The following DGKB variants were observed in gnomAD, a reference collection of about 807,000 sequenced individuals.
The protein encoded by DGKB is diacylglycerol kinase beta.
A neutral mutation model predicts 114.3 loss-of-function variants in DGKB; 67 were observed. The ratio of observed to expected loss-of-function variants is 0.59; its 90% CI spans 0.48 to 0.72. The LOEUF is 0.72. DGKB is among the 30% of genes least tolerant of loss of function. The probability of loss-of-function intolerance (pLI) is 0.00; values close to 1 mark genes in which losing one functional copy is unlikely to be tolerated. For missense variants in DGKB, 907 were observed against 975.2 expected (o/e 0.93, Z 0.93); for synonymous variants, 398 against 323.1 (o/e 1.23, Z -2.49).
chr7:14,481,921 A>T (rs1354075676), intron 20 of DGKB, among the ~76,000 whole-genome samples: 1 of 151,998 alleles, frequency 6.6e-6, no homozygotes, highest in Non-Finnish European at 1.5e-5. Flanking sequence ...TGTATACTTC[A>T]AAAAGTTTTG....
intron 21 of DGKB, among the ~76,000 whole-genome samples, chr7:14,378,164 C>T (rs552972784): frequency 4.6e-5 from 7 of 152,270 alleles, no homozygotes; most frequent in African/African-American, 1.7e-4. Flanking sequence ...GAAAGCAGGA[C>T]ATATTGGAAG....
In DGKB at chr7:14,856,711, T is replaced by C. The variant is rs1850204452; in HGVS notation, c.-187-15261A>G. 3.3e-5 allele frequency among the ~76,000 whole-genome samples: 5 copies of C among 152,082 alleles called. No homozygotes were observed. The South Asian group carries it at 1.0e-3, about 32-fold the overall frequency. On this transcript the variant is annotated intron_variant, in intron 1 of 25. Coordinates refer to ENST00000402815, the MANE Select transcript of DGKB (RefSeq NM_001350709.2). ...TCATCTAGTATTCTATTAATGAAGA[T>C]TTAGGCTTTATTTTTAATTTTTCAT...
chr7:14,526,584 AAG>A (rs747843979), intron 20 of DGKB, among the ~76,000 whole-genome samples: 1 of 152,184 alleles, frequency 6.6e-6, no homozygotes, highest in African/African-American at 2.4e-5. Flanking sequence ...AAACACCTTT[AAG>A]AGTAAATATT....
chr7:14,627,699 T>C (rs1808848496), intron 14 of DGKB, among the ~76,000 whole-genome samples: 1 of 151,968 alleles, frequency 6.6e-6, no homozygotes, highest in Non-Finnish European at 1.5e-5. Context: ...ATCTCAGCAC[T>C]TTGGGAGGCT....
At chr7:14,751,692 G>A (rs1348465597) in intron 4 of DGKB, among the ~76,000 whole-genome samples, 2 of 152,160 alleles carry the variant, frequency 1.3e-5, no homozygotes, top group African/African-American at 2.4e-5. Context: ...GGGAGGGGAA[G>A]CAAATTACAC....
At chr7:14,431,325 T>A (rs1180573122) in intron 21 of DGKB, among the ~76,000 whole-genome samples, 1 of 152,176 alleles carries the variant, frequency 6.6e-6, no homozygotes, top group Non-Finnish European at 1.5e-5. Flanking sequence ...GACTGTGATA[T>A]AACTTTAAGC....
intron 1 of DGKB, among the ~76,000 whole-genome samples, chr7:14,880,405 C>A (rs185070660): frequency 1.3e-5 from 2 of 152,086 alleles, no homozygotes; most frequent in Admixed American, 1.3e-4. Flanking sequence ...TTGCTCTGAG[C>A]CAAGACCGTG....
intron 1 of DGKB, among the ~76,000 whole-genome samples, chr7:14,917,542 T>C (rs781463035): frequency 3.3e-5 from 5 of 151,954 alleles, no homozygotes; most frequent in African/African-American, 7.2e-5. Context: ...GACTGATTCC[T>C]TGAAAGACAT....
chr7:14,691,097 T>C (rs1262595876), intron 9 of DGKB, among the ~76,000 whole-genome samples: 1 of 152,324 alleles, frequency 6.6e-6, no homozygotes, highest in East Asian at 1.9e-4. Flanking sequence ...CCAAAATAGA[T>C]ATTCTTTAAA....
chr7:14,896,156 A>G (rs1181821465), intron 1 of DGKB, among the ~76,000 whole-genome samples: 3 of 151,726 alleles, frequency 2.0e-5, no homozygotes, highest in Admixed American at 6.6e-5. Context: ...ATAGCAGAGT[A>G]GCCAATATAA....
chr7:14,620,028 G>A (rs1363808569), intron 15 of DGKB, among the ~76,000 whole-genome samples: 4 of 151,288 alleles, frequency 2.6e-5, no homozygotes, highest in South Asian at 2.1e-4. Context: ...AGGCATCCAC[G>A]TATTGAATTA....
At chr7:14,540,951 T>C (rs1002683770) in intron 20 of DGKB, among the ~76,000 whole-genome samples, 3 of 152,186 alleles carry the variant, frequency 2.0e-5, no homozygotes, top group African/African-American at 7.2e-5. Context: ...AAAATGGTAA[T>C]CTTCCTTTTC....
chr7:14,391,521 T>TA lies in DGKB; in HGVS notation c.1836-46131dup, dbSNP rs1403345799. Among the ~76,000 whole-genome samples, 389 of 113,792 alleles carry TA rather than the reference T, an allele frequency of 3.4e-3. 2 individuals are homozygous for TA. The highest frequency in any genetic ancestry group is 4.8e-3 in the East Asian group (20 of 4,194). 74.7% of individuals were successfully genotyped at this position (113,792 alleles called of 152,430 possible). ...GGCCGGTCTACAAAAGAAAAAAAAA[T>TA]AAAAAAAAAAAAAGGAAAAATTAGC... On this transcript the variant is annotated intron_variant, in intron 21 of 25. Transcript: ENST00000402815.
At chr7:14,565,452 T>C (rs902377536) in intron 20 of DGKB, among the ~76,000 whole-genome samples, 3 of 152,168 alleles carry the variant, frequency 2.0e-5, no homozygotes, top group Non-Finnish European at 4.4e-5. Context: ...GAAATAAATA[T>C]GTCAATGACT....
chr7:14,254,947 G>A (rs1048941134), intron 23 of DGKB, among the ~76,000 whole-genome samples: 1 of 152,152 alleles, frequency 6.6e-6, no homozygotes, highest in African/African-American at 2.4e-5. Flanking sequence ...ACTGGGTAGT[G>A]TAAACAACTG....
At chr7:14,269,376 C>G (rs1420820328) in intron 23 of DGKB, among the ~76,000 whole-genome samples, 1 of 152,176 alleles carries the variant, frequency 6.6e-6, no homozygotes. Flanking sequence ...CAAAGAATCT[C>G]TGGACAAATT....
intron 2 of DGKB, among the ~76,000 whole-genome samples, chr7:14,788,803 G>A (rs1360093460): frequency 2.0e-5 from 3 of 152,078 alleles, no homozygotes; most frequent in African/African-American, 7.2e-5. Flanking sequence ...GGATTCGTGA[G>A]TGCAACAAAC....
chr7:14,654,757 C>T (rs942846863), intron 13 of DGKB, among the ~76,000 whole-genome samples: 2 of 151,806 alleles, frequency 1.3e-5, no homozygotes, highest in African/African-American at 4.8e-5. Flanking sequence ...TTGACATAGG[C>T]TCTAAGAACA....
At chr7:14,258,464 T>TAAAC (rs1554309735) in intron 23 of DGKB, among the ~76,000 whole-genome samples, 2 of 152,216 alleles carry the variant, frequency 1.3e-5, no homozygotes, top group Non-Finnish European at 2.9e-5. Flanking sequence ...ATGAAATTTA[T>TAAAC]AAACAGCTGA....
Sources: gnomAD v4.1 joint callset for allele counts (sites outside exome capture counted in the v4.1 genomes callset) on GRCh38, gnomAD v4.1.1 for gene constraint, MANE v1.5 for transcripts, NCBI Gene and HGNC (gene_info 2026-07-23, HGNC 2026-07-21) for gene names.